The following CEP295 variants were observed in gnomAD, a reference collection of about 807,000 sequenced individuals.
CEP295 encodes the protein centrosomal protein 295.
In CEP295, 190 loss-of-function variants were observed where a neutral mutation model predicts 291.6. The observed-to-expected ratio is 0.65, with a 90% CI of 0.58 to 0.73. The LOEUF is 0.73. Among genes scored for constraint, CEP295 ranks in the 30% least tolerant of loss-of-function variants. CEP295 has a pLI of 0.00. For synonymous variants in CEP295, 993 were observed against 1,038.8 expected (o/e 0.96, Z 0.85); for missense variants, 2,863 against 2,949.4 (o/e 0.97, Z 0.68).
At position 93,667,769 on chromosome 11, in the gene CEP295, A is replaced by C; in HGVS notation, c.271A>C (p.Arg91=). ...NLEKLYLASL[R]SMGEGHRQAK... is the part of the protein sequence containing the mutation. ...GGAAAAACTGTATTTGGCAAGTTTA[A>C]GAAGTATGGGAGAGGGACATCGACA... The change falls in exon 3 of 30, where the codon AGA becomes CGA. Residue 91 remains arginine, a synonymous_variant. Transcript: ENST00000325212. 6.4e-7 allele frequency: 1 copy of C among 1,551,478 alleles called. No homozygotes were observed. Among genetic ancestry groups the C allele is most frequent in the Middle Eastern group, 1.7e-4 (1 of 5,990 alleles).
At position 93,702,483 on chromosome 11, in the gene CEP295, T is replaced by C; in HGVS notation, c.5298T>C (p.Asn1766=). 1 of 1,538,522 alleles carries C rather than the reference T, an allele frequency of 6.5e-7. No individual in the cohort carries two copies. Among genetic ancestry groups the C allele is most frequent in the East Asian group, 2.5e-5 (1 of 40,814 alleles). Reference sequence around the variant, plus strand: ...AGATAAGTAAGCCCACAGTTGAAAATGATTTAAAAACCCAGAAGATGGGGC... The same window carrying C: ...AGATAAGTAAGCCCACAGTTGAAAACGATTTAAAAACCCAGAAGATGGGGC... ...DSQISKPTVE[N]DLKTQKMGQL... Residue 1766 remains asparagine, a synonymous_variant, in exon 16 of 30, where the codon AAT becomes AAC. Coordinates refer to ENST00000325212, the MANE Select transcript of CEP295 (RefSeq NM_033395.2).
intron 1 of CEP295, among the ~76,000 whole-genome samples, chr11:93,662,286 G>A (rs1194706511): frequency 6.6e-6 from 1 of 152,184 alleles, no homozygotes; most frequent in Non-Finnish European, 1.5e-5. Flanking sequence ...TGTATTTGAA[G>A]ACTTCACGCT....
chr11:93,672,180 T>C (rs1411311298), intron 5 of CEP295, among the ~76,000 whole-genome samples: 1 of 152,208 alleles, frequency 6.6e-6, no homozygotes. Context: ...AAGCTCATGA[T>C]CTTTTTACTG....
At chr11:93,695,359 A>G in intron 12 of CEP295, 138 bp from the exon 13 acceptor site, 1 of 504,042 alleles carries the variant, frequency 2.0e-6, no homozygotes, top group Non-Finnish European at 3.3e-6. Flanking sequence ...ATAACAACAG[A>G]GATAAAGCAT....
At chr11:93,706,393 G>A (rs1952513630) in intron 17 of CEP295, among the ~76,000 whole-genome samples, 2 of 152,118 alleles carry the variant, frequency 1.3e-5, no homozygotes, top group African/African-American at 4.8e-5. Flanking sequence ...ATCATCCCCT[G>A]TCTTCTAAAC....
intron 7 of CEP295, among the ~76,000 whole-genome samples, chr11:93,681,881 C>T (rs1192318543): frequency 2.0e-5 from 3 of 151,646 alleles, no homozygotes; most frequent in Non-Finnish European, 4.4e-5. Flanking sequence ...TTAACCTCCC[C>T]TGCCACACCT....
intron 19 of CEP295, 84 bp downstream of exon 19, chr11:93,721,496 A>G (rs775122353): frequency 5.8e-5 from 53 of 909,454 alleles, no homozygotes; most frequent in Non-Finnish European, 9.9e-5. Context: ...AAGCTATGTT[A>G]TAACATTAAA....
In CEP295 at chr11:93,702,649, G is replaced by A. The variant is rs1021669440; in HGVS notation, c.5452+12G>A. On this transcript the variant is annotated intron_variant, in intron 16 of 29. Coordinates refer to ENST00000325212, the MANE Select transcript of CEP295 (RefSeq NM_033395.2). Reference sequence around the variant, plus strand: ...TGCCAAGCAAAGTGGTAAGATAATTGTGTTTGATTGTAATTATTTCACTGA... The same window carrying A: ...TGCCAAGCAAAGTGGTAAGATAATTATGTTTGATTGTAATTATTTCACTGA... 91 of 1,535,732 alleles carry A rather than the reference G, an allele frequency of 5.9e-5. No homozygotes were observed. Among genetic ancestry groups the A allele is most frequent in the Admixed American group, 8.2e-5 (4 of 48,752 alleles).
intron 8 of CEP295, 30 bp downstream of exon 8, chr11:93,683,772 G>A (rs1451773247): frequency 2.0e-6 from 3 of 1,511,160 alleles, no homozygotes; most frequent in African/African-American, 1.4e-5. Flanking sequence ...GCTTTCAATA[G>A]TGATTTTATA....
intron 22 of CEP295, among the ~76,000 whole-genome samples, chr11:93,725,240 C>A (rs1954056788): frequency 6.6e-6 from 1 of 151,180 alleles, no homozygotes; most frequent in African/African-American, 2.4e-5. Flanking sequence ...TAGTGAGACC[C>A]CATCTCAAAA....
intron 21 of CEP295, 123 bp from the exon 22 acceptor site, chr11:93,724,131 G>T (rs1174471856): frequency 3.5e-6 from 3 of 852,854 alleles, no homozygotes; most frequent in Non-Finnish European, 5.3e-6. Flanking sequence ...TGTTACACTG[G>T]AGTTACCTGA....
In CEP295 at chr11:93,691,955, T is replaced by C; in HGVS notation, c.1458T>C (p.Thr486=). The change falls in exon 12 of 30, where the codon ACT becomes ACC. Residue 486 remains threonine (T), a synonymous_variant. Coordinates refer to ENST00000325212, the MANE Select transcript of CEP295 (RefSeq NM_033395.2). ...QEINETLPIT[T]VAQSSVLLHP... ...TAAATGAGACTCTGCCTATCACAACTGTAGCTCAGAGTTCAGTTCTACTTC... is the reference window on the plus strand; with the variant it reads ...TAAATGAGACTCTGCCTATCACAACCGTAGCTCAGAGTTCAGTTCTACTTC... The C allele has an allele frequency of 6.5e-7, 1 of 1,546,408 alleles. No homozygotes were observed. The highest frequency in any genetic ancestry group is 8.8e-7 in the Non-Finnish European group (1 of 1,142,578).
intron 2 of CEP295, 149 bp from the exon 3 acceptor site, chr11:93,667,458 T>A (rs1950245277): frequency 1.7e-6 from 1 of 586,994 alleles, no homozygotes; most frequent in Admixed American, 3.6e-5. Context: ...GATTTTCTGC[T>A]TTAAATAGTC....
chr11:93,708,188 A>G (rs1257378295), intron 18 of CEP295, among the ~76,000 whole-genome samples: 1 of 152,196 alleles, frequency 6.6e-6, no homozygotes, highest in Non-Finnish European at 1.5e-5. Context: ...CAATTCAATT[A>G]TAGTTTTAGT....
At chr11:93,710,699 C>T (rs1349992760) in intron 18 of CEP295, among the ~76,000 whole-genome samples, 1 of 152,140 alleles carries the variant, frequency 6.6e-6, no homozygotes, top group East Asian at 1.9e-4. Context: ...ATTAGTTTGC[C>T]TTTAAGTGTT....
rs924432544 is a variant in CEP295, at chr11:93,698,223, T to C, written c.3311T>C (p.Val1104Ala). ...SGLVSSSSSPVVVQHSVASQA... is the reference protein window; with the variant it reads ...SGLVSSSSSPAVVQHSVASQA... The stretch of plus-strand genomic sequence containing the variant: ...CTGGTGAGCTCTTCATCCTCACCAG[T>C]GGTTGTTCAGCATTCAGTTGCTTCA... Residue 1104 changes from valine to alanine, a missense_variant, in exon 15 of 30, where the codon GTG (valine) becomes GCG (alanine). Physicochemically the swap from Val to Ala is moderately conservative, Grantham distance 64 (BLOSUM62 0). Around this residue, in one of 3 missense-constraint regions of CEP295, gnomAD observed 2,295 missense variants for 2,335.7 expected, o/e 0.98. Coordinates refer to ENST00000325212, the MANE Select transcript of CEP295 (RefSeq NM_033395.2). 1 of 1,551,776 alleles carries C rather than the reference T, an allele frequency of 6.4e-7. No homozygotes were observed. The highest frequency in any genetic ancestry group is 1.4e-5 in the African/African-American group (1 of 73,050).
Position 93,698,499 on chromosome 11 carries a change from G to T in CEP295, c.3587G>T (p.Arg1196Ile), listed in dbSNP as rs1252709848. 3.0e-5 allele frequency: 46 copies of T among 1,551,990 alleles called. No homozygotes were observed. Among genetic ancestry groups the T allele is most frequent in the Non-Finnish European group, 3.9e-5 (45 of 1,147,034 alleles). ...FVHTESELEK[R>I]ISSEQTGTSS... ...CACACAGAAAGTGAATTGGAGAAAA[G>T]AATTTCTTCTGAACAGACTGGCACC... Residue 1196 changes from arginine to isoleucine, a missense_variant, in exon 15 of 30, where the codon AGA becomes ATA. Transcript: ENST00000325212.
chr11:93,688,591 T>C (rs745548483), intron 10 of CEP295, among the ~76,000 whole-genome samples: 1 of 152,120 alleles, frequency 6.6e-6, no homozygotes, highest in African/African-American at 2.4e-5. Flanking sequence ...TTTCGTACTT[T>C]ACTATTTTCT....
At position 93,697,822 on chromosome 11, in the gene CEP295, C is replaced by T. The variant is rs1951928679; in HGVS notation, c.2910C>T (p.Ala970=). The T allele has an allele frequency of 6.4e-7, 1 of 1,551,268 alleles. No homozygotes were observed. The highest frequency in any genetic ancestry group is 2.0e-5 in the Admixed American group (1 of 50,964). The change falls in exon 15 of 30, where the codon GCC becomes GCT. Residue 970 remains alanine, a synonymous_variant. Transcript: ENST00000325212. ...ATAGCCTTCAGGCTAGGCGAGAAGC[C>T]CAGGAAGTATTGTATGTACATAAAC... The part of the protein sequence containing the change: ...QKDSLQARRE[A]QEVLYVHKQS...
Sources: allele counts gnomAD v4.1 joint callset (sites outside exome capture counted in the v4.1 genomes callset), GRCh38; gene constraint gnomAD v4.1.1; regional missense constraint gnomAD v4.1.1; transcripts MANE v1.5; gene names NCBI Gene and HGNC (gene_info 2026-07-23, HGNC 2026-07-21).